TANC2: variants seen among roughly 807,000 people sequenced by gnomAD.
TANC2 encodes tetratricopeptide repeat, ankyrin repeat and coiled-coil containing 2, also known as protein TANC2.
In TANC2, 26 loss-of-function variants were observed where a neutral mutation model predicts 210.5. The ratio of observed to expected loss-of-function variants is 0.12; its 90% confidence interval spans 0.09 to 0.17. The LOEUF (loss-of-function observed/expected upper bound fraction) is 0.17, where lower values mean the gene tolerates loss of function less well. TANC2 is among the 10% of genes least tolerant of loss of function. The probability of loss-of-function intolerance (pLI) is 1.00; values close to 1 mark genes in which losing one functional copy is unlikely to be tolerated. For synonymous variants in TANC2, 931 were observed against 967.1 expected (o/e 0.96, Z 0.69); for missense variants, 2,129 against 2,608.9 (o/e 0.82, Z 4.01).
exon 6 of TANC2, chr17:63,194,125 C>G: frequency 1.9e-6 from 3 of 1,612,640 alleles, no homozygotes; most frequent in Non-Finnish European, 2.5e-6. Flanking sequence ...CATGGAAGTA[C>G]AGGATGAAAA....
chr17:63,388,664 C>G (rs759317366), exon 16 of TANC2: 4 of 1,606,838 alleles, frequency 2.5e-6, no homozygotes, highest in Non-Finnish European at 8.5e-7. Context: ...GTGTATCATC[C>G]TCCATCCTCC....
intron 11 of TANC2, among the ~76,000 whole-genome samples, chr17:63,339,663 T>C (rs2146784007): frequency 6.6e-6 from 1 of 152,360 alleles, no homozygotes; most frequent in Non-Finnish European, 1.5e-5. Context: ...TAGAAGTATA[T>C]GTGTTTGTTG....
intron 1 of TANC2, among the ~76,000 whole-genome samples, chr17:62,975,410 T>C (rs1025288201): frequency 6.6e-6 from 1 of 152,146 alleles, no homozygotes; most frequent in African/African-American, 2.4e-5. Flanking sequence ...GGATTGTGAA[T>C]TAGTGTGAAT....
At chr17:62,999,820 C>T (rs1024526736) in intron 1 of TANC2, among the ~76,000 whole-genome samples, 1 of 152,178 alleles carries the variant, frequency 6.6e-6, no homozygotes, top group South Asian at 2.1e-4. Flanking sequence ...ACAATAGCAA[C>T]ATCATGAAAT....
intron 11 of TANC2, among the ~76,000 whole-genome samples, chr17:63,338,227 C>T (rs2046102324): frequency 6.6e-6 from 1 of 152,272 alleles, no homozygotes; most frequent in East Asian, 1.9e-4. Flanking sequence ...ATTTACACTC[C>T]CACCAACAGT....
chr17:63,204,822 T>G (rs2041647528), intron 7 of TANC2, among the ~76,000 whole-genome samples: 1 of 152,178 alleles, frequency 6.6e-6, no homozygotes, highest in Non-Finnish European at 1.5e-5. Context: ...CAGTGGCTCA[T>G]GCCTGTAATC....
At chr17:63,075,991 G>A (rs1297264330) in intron 3 of TANC2, among the ~76,000 whole-genome samples, 1 of 152,146 alleles carries the variant, frequency 6.6e-6, no homozygotes, top group Non-Finnish European at 1.5e-5. Flanking sequence ...AAACTGGAGA[G>A]TATATGAATA....
chr17:63,148,804 C>G (rs12603329), intron 4 of TANC2: 1 of 152,138 alleles, frequency 6.6e-6, no homozygotes, highest in Non-Finnish European at 1.5e-5. Context: ...AAATTCCAGG[C>G]TTCCAGGTAA....
At chr17:62,967,408 G>C (rs1213690541) in intron 1 of TANC2, 1 of 152,328 alleles carries the variant, frequency 6.6e-6, no homozygotes, top group Admixed American at 6.5e-5. Context: ...TGCCATCAGC[G>C]TGTAGAGCAT....
chr17:63,365,477 C>G (rs977119432), intron 14 of TANC2, among the ~76,000 whole-genome samples: 1 of 152,188 alleles, frequency 6.6e-6, no homozygotes, highest in African/African-American at 2.4e-5. Flanking sequence ...CATTCTCCAC[C>G]AGCAGCCAGA....
At chr17:63,140,966 T>A (rs2039268036) in intron 4 of TANC2, among the ~76,000 whole-genome samples, 1 of 151,924 alleles carries the variant, frequency 6.6e-6, no homozygotes, top group African/African-American at 2.4e-5. Flanking sequence ...GCCAGGCTGG[T>A]CTTGAACTCC....
intron 3 of TANC2, among the ~76,000 whole-genome samples, chr17:63,090,998 A>G (rs2037167884): frequency 6.6e-6 from 1 of 151,190 alleles, no homozygotes; most frequent in South Asian, 2.1e-4. Context: ...TGGCTGCATA[A>G]ATGTCTTCTT....
intron 9 of TANC2, among the ~76,000 whole-genome samples, chr17:63,271,295 T>C (rs1406732007): frequency 6.6e-6 from 1 of 152,108 alleles, no homozygotes; most frequent in Admixed American, 6.6e-5. Flanking sequence ...TGTGTATAAG[T>C]GTTCCTTTTT....
At chr17:63,206,861 G>T (rs1207778527) in intron 7 of TANC2, among the ~76,000 whole-genome samples, 1 of 152,098 alleles carries the variant, frequency 6.6e-6, no homozygotes, top group Non-Finnish European at 1.5e-5. Context: ...CTTAAAAATG[G>T]CTAAAATAAT....
chr17:63,329,016 A>AT (rs1054837835), intron 11 of TANC2, among the ~76,000 whole-genome samples: 5 of 152,152 alleles, frequency 3.3e-5, no homozygotes, highest in African/African-American at 1.2e-4. Context: ...TATGACTGGC[A>AT]TTTCGTCTTG....
At chr17:63,336,666 C>A (rs2046040831) in intron 11 of TANC2, among the ~76,000 whole-genome samples, 1 of 152,108 alleles carries the variant, frequency 6.6e-6, no homozygotes, top group Admixed American at 6.5e-5. Context: ...AATAATGCAA[C>A]TCTGCTCATA....
intron 4 of TANC2, among the ~76,000 whole-genome samples, chr17:63,104,509 A>G (rs1211701675): frequency 4.6e-5 from 7 of 152,204 alleles, no homozygotes; most frequent in African/African-American, 1.7e-4. Context: ...TCCTTAATAC[A>G]CCAATCTTAT....
Position 63,420,016 on chromosome 17 carries a change from T to C in TANC2, c.4286T>C (p.Leu1429Ser). 1 of 1,548,956 alleles carries C rather than the reference T, an allele frequency of 6.5e-7. No individual in the cohort carries two copies. Among genetic ancestry groups the C allele is most frequent in the African/African-American group, 1.4e-5 (1 of 73,026 alleles). Residue 1429 changes from leucine to serine, a missense_variant, in exon 28 of 28, where the codon TTA (leucine) becomes TCA (serine). This residue lies in a region of TANC2 where 644 missense variants were observed against 937.5 expected (regional missense o/e 0.69). Transcript: ENST00000689528. The surrounding 1 kb of genome is among the most constrained non-coding windows in gnomAD (Gnocchi z 4.2). ...TCAAGCAGACAGTTCGCAGCAGCCT[T>C]AGAGGACCTGAACGAGGCCATCAAG...
At chr17:63,109,084 G>A (rs2037935131) in intron 4 of TANC2, among the ~76,000 whole-genome samples, 1 of 151,480 alleles carries the variant, frequency 6.6e-6, no homozygotes, top group Non-Finnish European at 1.5e-5. Context: ...ATGAAATGTA[G>A]CCAAAGTGGT....
Sources: allele counts gnomAD v4.1 joint callset (sites outside exome capture counted in the v4.1 genomes callset), GRCh38; gene constraint gnomAD v4.1.1; regional missense constraint gnomAD v4.1.1; non-coding constraint Gnocchi (gnomAD v3.1); transcripts MANE v1.5; gene names NCBI Gene and HGNC (gene_info 2026-07-23, HGNC 2026-07-21).